Variants in GRM3 observed in about 807,000 individuals in gnomAD.
The protein encoded by GRM3 is metabotropic glutamate receptor 3.
Under a neutral mutation model 70.5 loss-of-function variants are expected in GRM3, and 26 were observed. That is an observed-to-expected ratio of 0.37 (90% CI 0.27 to 0.51). The LOEUF is 0.51. Ranked by LOEUF, GRM3 falls within the 20% of genes least tolerant of loss-of-function variation. The pLI is 0.93. For synonymous variants in GRM3, 443 were observed against 434.9 expected (o/e 1.02, Z -0.23); for missense variants, 859 against 1,123.8 (o/e 0.76, Z 3.37).
intron 2 of GRM3, chr7:86,775,074 A>G (rs1181617723): frequency 1.3e-5 from 2 of 152,160 alleles, no homozygotes; most frequent in African/African-American, 4.8e-5. Flanking sequence ...AAATGCAGAT[A>G]ATCCAGAAAA....
At chr7:86,651,711 A>T (rs1254732786) in intron 1 of GRM3, among the ~76,000 whole-genome samples, 1 of 152,154 alleles carries the variant, frequency 6.6e-6, no homozygotes, top group Non-Finnish European at 1.5e-5. Context: ...GCCAGACCAT[A>T]CCTAACTTCA....
intron 3 of GRM3, among the ~76,000 whole-genome samples, chr7:86,820,511 G>A (rs1798098676): frequency 6.6e-6 from 1 of 152,208 alleles, no homozygotes; most frequent in South Asian, 2.1e-4. Context: ...ACTTACAAAT[G>A]TTTTTCAGTT....
At chr7:86,803,600 G>A (rs186909123) in intron 3 of GRM3, among the ~76,000 whole-genome samples, 5 of 152,302 alleles carry the variant, frequency 3.3e-5, no homozygotes, top group African/African-American at 1.2e-4. Context: ...AGGAAAACCA[G>A]AGGCTGCCCT....
intron 2 of GRM3, among the ~76,000 whole-genome samples, chr7:86,770,787 A>G (rs1270305269): frequency 6.6e-6 from 1 of 152,176 alleles, no homozygotes; most frequent in East Asian, 1.9e-4. Context: ...TCATATAGTT[A>G]GCTGTCTCCA....
chr7:86,665,230 C>T (rs1030365890), intron 1 of GRM3, among the ~76,000 whole-genome samples: 4 of 151,930 alleles, frequency 2.6e-5, no homozygotes, highest in South Asian at 2.1e-4. Context: ...TCTGGGAGAA[C>T]GTGTTATGAA....
At chr7:86,846,852 C>T (rs1410711904) in intron 4 of GRM3, among the ~76,000 whole-genome samples, 1 of 152,190 alleles carries the variant, frequency 6.6e-6, no homozygotes, top group African/African-American at 2.4e-5. Flanking sequence ...GTTGGCGTTT[C>T]TTCCTCATTG....
At chr7:86,715,195 A>C (rs563470210) in intron 1 of GRM3, among the ~76,000 whole-genome samples, 2 of 152,110 alleles carry the variant, frequency 1.3e-5, no homozygotes, top group African/African-American at 2.4e-5. Context: ...GTCAAATATA[A>C]ATGCAAAATG....
chr7:86,778,883 T>G (rs2116493001), intron 2 of GRM3, among the ~76,000 whole-genome samples: 1 of 152,248 alleles, frequency 6.6e-6, no homozygotes, highest in South Asian at 2.1e-4. Flanking sequence ...TGAAAAATGG[T>G]GTCATTGCTT....
chr7:86,753,040 A>G (rs1000335473), intron 1 of GRM3, among the ~76,000 whole-genome samples: 15 of 152,026 alleles, frequency 9.9e-5, no homozygotes, highest in African/African-American at 3.6e-4. Context: ...ACAATTCAGA[A>G]TTTACTGGAG....
intron 2 of GRM3, among the ~76,000 whole-genome samples, chr7:86,767,938 C>T (rs1049680439): frequency 2.6e-5 from 4 of 152,088 alleles, no homozygotes; most frequent in Admixed American, 2.0e-4. Flanking sequence ...CCACTTCTTA[C>T]TCATTGAAAG....
chr7:86,711,506 T>C (rs1427098153), intron 1 of GRM3, among the ~76,000 whole-genome samples: 4 of 152,104 alleles, frequency 2.6e-5, no homozygotes, highest in Non-Finnish European at 5.9e-5. Context: ...TACTTTCTCT[T>C]GTAGTCTCTG....
chr7:86,703,909 C>T (rs991334942), intron 1 of GRM3, among the ~76,000 whole-genome samples: 3 of 151,834 alleles, frequency 2.0e-5, no homozygotes, highest in African/African-American at 7.3e-5. Flanking sequence ...TTAAAATAAG[C>T]TTTGAGACTT....
At chr7:86,711,643 A>C (rs986995816) in intron 1 of GRM3, among the ~76,000 whole-genome samples, 3 of 152,108 alleles carry the variant, frequency 2.0e-5, no homozygotes, top group Admixed American at 1.3e-4. Context: ...GATGATGTAT[A>C]ATGGGTGTTC....
intron 3 of GRM3, among the ~76,000 whole-genome samples, chr7:86,810,848 A>G (rs1015225252): frequency 3.9e-5 from 6 of 152,130 alleles, no homozygotes; most frequent in Non-Finnish European, 8.8e-5. Flanking sequence ...TTTGTGATAG[A>G]CATATCTACA....
At chr7:86,823,409 A>G (rs1429547547) in intron 3 of GRM3, among the ~76,000 whole-genome samples, 1 of 151,836 alleles carries the variant, frequency 6.6e-6, no homozygotes, top group Non-Finnish European at 1.5e-5. Flanking sequence ...TATGCCCTAC[A>G]ACTCCAATTT....
At chr7:86,809,815 G>C (rs1797873172) in intron 3 of GRM3, among the ~76,000 whole-genome samples, 1 of 151,886 alleles carries the variant, frequency 6.6e-6, no homozygotes, top group Non-Finnish European at 1.5e-5. Context: ...GGAGTATTAG[G>C]GCAATAAAAT....
intron 1 of GRM3, among the ~76,000 whole-genome samples, chr7:86,678,082 A>G (rs1178875805): frequency 6.6e-6 from 1 of 152,014 alleles, no homozygotes; most frequent in African/African-American, 2.4e-5. Context: ...ACTTAAGGAT[A>G]GAAATATGAA....
At chr7:86,714,551 C>T (rs1795272608) in intron 1 of GRM3, among the ~76,000 whole-genome samples, 1 of 151,868 alleles carries the variant, frequency 6.6e-6, no homozygotes, top group Admixed American at 6.6e-5. Context: ...AAACCTAAGT[C>T]CAGAATATAA....
intron 3 of GRM3, among the ~76,000 whole-genome samples, chr7:86,824,469 G>C (rs764290996): frequency 7.9e-5 from 12 of 152,134 alleles, no homozygotes; most frequent in Non-Finnish European, 1.8e-4. Flanking sequence ...TAATATGACT[G>C]TTCCTGAGGG....
Sources: allele counts gnomAD v4.1 joint callset (sites outside exome capture counted in the v4.1 genomes callset), GRCh38; gene constraint gnomAD v4.1.1; transcripts MANE v1.5; gene names NCBI Gene and HGNC (gene_info 2026-07-23, HGNC 2026-07-21).